The following CADM1 variants were observed in gnomAD, a reference collection of about 807,000 sequenced individuals.
CADM1 encodes TSLC-1.
In CADM1, 15 loss-of-function variants were observed where a neutral mutation model predicts 53.1. That is an observed-to-expected ratio of 0.28 (90% CI 0.19 to 0.44). The LOEUF is 0.44. Ranked by LOEUF, CADM1 falls within the 20% of genes least tolerant of loss-of-function variation. The pLI, the probability that CADM1 is intolerant of heterozygous loss-of-function variation, is 1.00. For synonymous variants in CADM1, 281 were observed against 243.0 expected (o/e 1.16, Z -1.45); for missense variants, 434 against 611.3 (o/e 0.71, Z 3.06).
intron 1 of CADM1, among the ~76,000 whole-genome samples, chr11:115,489,508 T>C (rs1307669556): frequency 6.6e-6 from 1 of 152,214 alleles, no homozygotes; most frequent in Non-Finnish European, 1.5e-5. Flanking sequence ...AGAGAAGTTG[T>C]GACAGAAGTT....
At chr11:115,289,384 AAATC>A (rs1371617411) in intron 1 of CADM1, among the ~76,000 whole-genome samples, 10 of 152,036 alleles carry the variant, frequency 6.6e-5, no homozygotes, top group East Asian at 3.9e-4. Context: ...AAAAATAAAT[AAATC>A]AAGTTATTTA....
chr11:115,326,561 G>T (rs991972854), intron 1 of CADM1, among the ~76,000 whole-genome samples: 2 of 151,980 alleles, frequency 1.3e-5, no homozygotes, highest in Non-Finnish European at 2.9e-5. Flanking sequence ...TTTCCTATGT[G>T]CCCAGCATTT....
At chr11:115,428,956 T>G (rs935214707) in intron 1 of CADM1, among the ~76,000 whole-genome samples, 1 of 152,194 alleles carries the variant, frequency 6.6e-6, no homozygotes, top group Non-Finnish European at 1.5e-5. Context: ...TGAGGCCCAG[T>G]ACGTGGCAAG....
At chr11:115,195,851 T>C (rs1207953125) in intron 9 of CADM1, among the ~76,000 whole-genome samples, 1 of 152,200 alleles carries the variant, frequency 6.6e-6, no homozygotes, top group South Asian at 2.1e-4. Flanking sequence ...GTATGCTCTT[T>C]AAAACAGTGG....
intron 1 of CADM1, among the ~76,000 whole-genome samples, chr11:115,267,188 C>T (rs532981739): frequency 2.4e-4 from 36 of 152,298 alleles, no homozygotes; most frequent in African/African-American, 7.2e-4. Context: ...AAAATTCCAG[C>T]GGGTTAAATG....
chr11:115,341,035 G>T (rs1000530561), intron 1 of CADM1, among the ~76,000 whole-genome samples: 21 of 151,946 alleles, frequency 1.4e-4, no homozygotes, highest in Non-Finnish European at 2.1e-4. Flanking sequence ...ATTTCAAAAA[G>T]AATGAGTTCC....
At chr11:115,299,810 C>T (rs1216987983) in intron 1 of CADM1, among the ~76,000 whole-genome samples, 4 of 152,116 alleles carry the variant, frequency 2.6e-5, no homozygotes, top group African/African-American at 7.2e-5. Context: ...CCGCCATTTT[C>T]TCTTAAAATG....
intron 1 of CADM1, among the ~76,000 whole-genome samples, chr11:115,301,608 C>G (rs1944223277): frequency 6.6e-6 from 1 of 151,998 alleles, no homozygotes. Context: ...ATATAGCCCC[C>G]AAGCCATGTT....
chr11:115,382,531 T>C (rs181423506), intron 1 of CADM1, among the ~76,000 whole-genome samples: 24 of 152,284 alleles, frequency 1.6e-4, no homozygotes, highest in Non-Finnish European at 1.5e-5. Flanking sequence ...GTATCACATA[T>C]AAAAGCTCTT....
At chr11:115,440,573 A>G (rs920960442) in intron 1 of CADM1, among the ~76,000 whole-genome samples, 2 of 152,218 alleles carry the variant, frequency 1.3e-5, no homozygotes, top group Non-Finnish European at 2.9e-5. Context: ...TCCTCCTCAT[A>G]TATAAGCATT....
At chr11:115,387,781 C>G (rs763699285) in intron 1 of CADM1, among the ~76,000 whole-genome samples, 7 of 152,030 alleles carry the variant, frequency 4.6e-5, no homozygotes, top group African/African-American at 7.2e-5. Flanking sequence ...TGTATGCACA[C>G]ATGCATGTGT....
At chr11:115,228,704 G>A (rs1941704859) in intron 5 of CADM1, among the ~76,000 whole-genome samples, 1 of 152,078 alleles carries the variant, frequency 6.6e-6, no homozygotes, top group Non-Finnish European at 1.5e-5. Context: ...TAAAATAGAG[G>A]AGGAATGTCA....
At chr11:115,338,373 T>C (rs1287079613) in intron 1 of CADM1, among the ~76,000 whole-genome samples, 1 of 152,098 alleles carries the variant, frequency 6.6e-6, no homozygotes, top group Non-Finnish European at 1.5e-5. Context: ...ATAAACTCAT[T>C]TAAACTGTTT....
At chr11:115,289,584 T>C (rs570698216) in intron 1 of CADM1, among the ~76,000 whole-genome samples, 37 of 118,210 alleles carry the variant, frequency 3.1e-4, no homozygotes, top group African/African-American at 1.4e-3. Context: ...CTGAATTTTC[T>C]TTTTTTTTCT....
Position 115,174,285 on chromosome 11 carries a change from GT to G in CADM1, c.*2188del, listed in dbSNP as rs1938917371. 1 of 981,302 alleles carries G rather than the reference GT, an allele frequency of 1.0e-6. No individual in the cohort carries two copies. Among genetic ancestry groups the G allele is most frequent in the Admixed American group, 6.2e-5 (1 of 16,106 alleles). 60.8% of individuals were successfully genotyped at this position (981,302 alleles called of 1,614,324 possible). A position where few individuals can be genotyped will look rare whatever the true frequency, so the allele number is the denominator to read the frequency against. On this transcript the variant is annotated 3_prime_UTR_variant, in exon 12 of 12. Transcript: ENST00000331581. ...GGTGTGATTTTTTTTTTTTGTTTTT[GT>G]TTTTGTTTTTCTTTTTTTCTAAAAA...
intron 1 of CADM1, among the ~76,000 whole-genome samples, chr11:115,408,680 A>G (rs1947378390): frequency 6.6e-6 from 1 of 152,208 alleles, no homozygotes. Flanking sequence ...CTCTACTCCA[A>G]GAAAATTAGT....
At chr11:115,385,434 A>G (rs1565399503) in intron 1 of CADM1, among the ~76,000 whole-genome samples, 1 of 152,088 alleles carries the variant, frequency 6.6e-6, no homozygotes, top group Non-Finnish European at 1.5e-5. Context: ...AGACAATAAA[A>G]CAATGCCTCC....
intron 1 of CADM1, among the ~76,000 whole-genome samples, chr11:115,469,725 G>A (rs935873497): frequency 3.9e-5 from 5 of 128,574 alleles, no homozygotes; most frequent in African/African-American, 1.5e-4. Context: ...AAGCTGGAGT[G>A]CAGTGGCACT....
In CADM1 at chr11:115,169,505, C is replaced by T. The variant is rs796389668; in HGVS notation, c.*6969G>A. ...AGCAAAAAACCCAAGTAGGACATTT[C>T]AGTTGACAGTAATGGCATTTTCCCT... On this transcript the variant is annotated 3_prime_UTR_variant, in exon 12 of 12. Transcript: ENST00000331581. The T allele has an allele frequency of 1.7e-4, 73 of 441,680 alleles. 1 individual carries two copies. Among genetic ancestry groups the T allele is most frequent in the African/African-American group, 1.4e-3 (70 of 49,552 alleles). 27.4% of individuals were successfully genotyped at this position (441,680 alleles called of 1,614,324 possible). A position where few individuals can be genotyped will look rare whatever the true frequency, so the allele number is the denominator to read the frequency against.
Sources: gnomAD v4.1 joint callset for allele counts (sites outside exome capture counted in the v4.1 genomes callset) on GRCh38, gnomAD v4.1.1 for gene constraint, MANE v1.5 for transcripts, NCBI Gene and HGNC (gene_info 2026-07-23, HGNC 2026-07-21) for gene names.